CHLSN: variants seen among roughly 807,000 people sequenced by gnomAD.
The protein encoded by CHLSN is cholesin, also known as protein cholesin.
the CHLSN span, among the ~76,000 whole-genome samples, chr7:1,036,311 CG>C: frequency 6.6e-6 from 1 of 151,454 alleles, no homozygotes; most frequent in Non-Finnish European, 1.5e-5. Context: ...GTGCTGTGGC[CG>C]TGCAGGGTTC....
At chr7:987,388 C>G in the CHLSN span, 1 of 1,594,628 alleles carries the variant, frequency 6.3e-7, no homozygotes, top group Non-Finnish European at 8.5e-7. Flanking sequence ...GGGCCCTGGG[C>G]GGACTCCCCG....
chr7:1,034,300 T>C, the CHLSN span, among the ~76,000 whole-genome samples: 1 of 152,122 alleles, frequency 6.6e-6, no homozygotes, highest in Non-Finnish European at 1.5e-5. Flanking sequence ...AGACACATTG[T>C]GTTAATGGAC....
At chr7:1,093,406 G>A in the CHLSN span, 1 of 453,562 alleles carries the variant, frequency 2.2e-6, no homozygotes, top group East Asian at 7.1e-5. Context: ...AGGAAAACAT[G>A]CTGCTCTGGT....
the CHLSN span, among the ~76,000 whole-genome samples, chr7:1,024,247 C>A: frequency 6.6e-6 from 1 of 152,192 alleles, no homozygotes; most frequent in African/African-American, 2.4e-5. Flanking sequence ...GACCTGCCTC[C>A]CTACTCCCGC....
the CHLSN span, among the ~76,000 whole-genome samples, chr7:1,083,509 T>A: frequency 0.085 from 12,957 of 151,788 alleles, 690 homozygotes; most frequent in Non-Finnish European, 0.11. Flanking sequence ...ACGCCTGTAG[T>A]CCCAGCTACT....
chr7:1,006,894 G>A, the CHLSN span, among the ~76,000 whole-genome samples: 5 of 152,288 alleles, frequency 3.3e-5, no homozygotes, highest in Admixed American at 2.0e-4. Context: ...ACAAAGCCAG[G>A]AGCACCCCAG....
the CHLSN span, among the ~76,000 whole-genome samples, chr7:1,011,142 C>A: frequency 6.6e-6 from 1 of 150,408 alleles, no homozygotes; most frequent in Non-Finnish European, 1.5e-5. Flanking sequence ...CACCCATGTA[C>A]CCACACCGAC....
the CHLSN span, among the ~76,000 whole-genome samples, chr7:1,035,737 TA>T: frequency 6.6e-6 from 1 of 152,212 alleles, no homozygotes; most frequent in African/African-American, 2.4e-5. Context: ...GGTGGTTTCT[TA>T]CCAAAGTTGG....
At chr7:1,108,999 G>A in the CHLSN span, among the ~76,000 whole-genome samples, 8 of 150,774 alleles carry the variant, frequency 5.3e-5, no homozygotes, top group African/African-American at 2.0e-4. Flanking sequence ...AGGTTCAAGC[G>A]ATTCTCCTGC....
At chr7:1,011,543 A>G in the CHLSN span, among the ~76,000 whole-genome samples, 3 of 148,710 alleles carry the variant, frequency 2.0e-5, no homozygotes, top group African/African-American at 2.5e-5. Context: ...AGACACCCAC[A>G]AACACCCAGA....
At chr7:1,057,367 G>T in the CHLSN span, 1 of 594,574 alleles carries the variant, frequency 1.7e-6, no homozygotes. Flanking sequence ...TGCACCAAAG[G>T]CAGCCTCGCT....
At chr7:1,043,263 A>G in the CHLSN span, among the ~76,000 whole-genome samples, 2 of 152,194 alleles carry the variant, frequency 1.3e-5, no homozygotes, top group Non-Finnish European at 2.9e-5. Flanking sequence ...ATGGTGACCT[A>G]TCTCATTGAC....
At chr7:1,065,743 G>C in the CHLSN span, among the ~76,000 whole-genome samples, 1 of 152,238 alleles carries the variant, frequency 6.6e-6, no homozygotes, top group Non-Finnish European at 1.5e-5. Context: ...AACACGCCAG[G>C]GTGGAGACAG....
At chr7:1,009,806 C>T in the CHLSN span, 29 of 715,182 alleles carry the variant, frequency 4.1e-5, no homozygotes, top group Middle Eastern at 4.1e-4. Flanking sequence ...AGGGCAGCGG[C>T]GGCAGCACAG....
At chr7:999,577 C>A in the CHLSN span, among the ~76,000 whole-genome samples, 1 of 152,140 alleles carries the variant, frequency 6.6e-6, no homozygotes, top group Non-Finnish European at 1.5e-5. Context: ...AAAAAACGCC[C>A]ACAAAAAAAC....
At chr7:1,030,579 T>C in the CHLSN span, among the ~76,000 whole-genome samples, 1 of 152,202 alleles carries the variant, frequency 6.6e-6, no homozygotes, top group Non-Finnish European at 1.5e-5. Context: ...GGTGGACACA[T>C]ACCAGCTGCT....
At chr7:1,004,190 C>T in the CHLSN span, among the ~76,000 whole-genome samples, 223 of 152,208 alleles carry the variant, frequency 1.5e-3, no homozygotes, top group East Asian at 0.019. Flanking sequence ...CCCGGATGGC[C>T]GACCCGGCCA....
At chr7:1,083,932 G>A in the CHLSN span, among the ~76,000 whole-genome samples, 1 of 152,372 alleles carries the variant, frequency 6.6e-6, no homozygotes, top group African/African-American at 2.4e-5. Flanking sequence ...GCCACGGCCT[G>A]CGTGCTTCTG....
At chr7:1,108,966 G>A in the CHLSN span, among the ~76,000 whole-genome samples, 1 of 146,158 alleles carries the variant, frequency 6.8e-6, no homozygotes, top group African/African-American at 2.6e-5. Context: ...CTGCAAACTC[G>A]GCTCACTGCA....
Sources: allele counts gnomAD v4.1 joint callset (sites outside exome capture counted in the v4.1 genomes callset), GRCh38; gene constraint gnomAD v4.1.1; transcripts MANE v1.5; gene names NCBI Gene and HGNC (gene_info 2026-07-23, HGNC 2026-07-21).